The following SHF variants were observed in gnomAD, a reference collection of about 807,000 sequenced individuals.
The protein encoded by SHF is SH2 domain-containing adapter protein F.
Under a neutral mutation model 42.4 loss-of-function variants are expected in SHF, and 30 were observed. The observed-to-expected ratio is 0.71, with a 90% CI of 0.53 to 0.96. The LOEUF (loss-of-function observed/expected upper bound fraction) is 0.96. Ranked by LOEUF, SHF falls within the 40% of genes least tolerant of loss-of-function variation. SHF has a pLI of 0.00. For missense variants in SHF, 598 were observed against 634.0 expected, an observed-to-expected ratio of 0.94 and a Z score of 0.61; for synonymous variants, 264 against 269.9, an observed-to-expected ratio of 0.98 and a Z score of 0.21.
chr15:45,189,192 C>CAAAAAAA (rs1166122506), upstream of SHF, among the ~76,000 whole-genome samples: 1 of 58,556 alleles, frequency 1.7e-5, no homozygotes, highest in African/African-American at 6.4e-5. Context: ...GACTCCGTCT[C>CAAAAAAA]AAAAAAAAAA....
chr15:45,172,097 CAGGAGGGG>C, intron 5 of SHF, 42 bp downstream of exon 5: 1 of 1,613,870 alleles, frequency 6.2e-7, no homozygotes, highest in Non-Finnish European at 8.5e-7. Context: ...AAGCCAGTGC[CAGGAGGGG>C]AGGAGTGGGG....
chr15:45,187,200 G>A (rs532699214), intron 1 of SHF, among the ~76,000 whole-genome samples: 1 of 152,346 alleles, frequency 6.6e-6, no homozygotes, highest in East Asian at 1.9e-4. Context: ...GCCCGGGAGG[G>A]GGAGGGTCAC....
At chr15:45,197,004 A>G (rs1348165972) in intron 2 of SHF, among the ~76,000 whole-genome samples, 2 of 152,142 alleles carry the variant, frequency 1.3e-5, no homozygotes, top group Admixed American at 6.5e-5. Flanking sequence ...AAGGGCTACA[A>G]ATTACTAGAA....
At chr15:45,199,678 C>T in intron 1 of SHF, among the ~76,000 whole-genome samples, 1 of 152,184 alleles carries the variant, frequency 6.6e-6, no homozygotes, top group African/African-American at 2.4e-5. Context: ...GCGCCTACTA[C>T]CTGTCAGGCC....
In SHF at chr15:45,175,313, C is replaced by T. The variant is rs777702181; in HGVS notation, c.753G>A (p.Arg251=). ...TAEGEGAPWP[R]ESRLPEDDER... The stretch of plus-strand genomic sequence containing the variant: ...CATCATCCTCTGGCAGGCGGGACTC[C>T]CGGGGCCAGGGGGCCCCCTCACCTT... Residue 251 remains arginine, a synonymous_variant, in exon 3 of 7, where the codon CGG becomes CGA. Transcript: ENST00000690270. The T allele has an allele frequency of 5.0e-6, 8 of 1,608,250 alleles. No individual in the cohort carries two copies. Among genetic ancestry groups the T allele is most frequent in the African/African-American group, 1.3e-5 (1 of 74,812 alleles).
Position 45,175,260 on chromosome 15 carries a change from G to A in SHF, c.806C>T (p.Pro269Leu), listed in dbSNP as rs1897736857. Residue 269 changes from proline (P) to leucine (L), a missense_variant, in exon 3 of 7, where the codon CCC becomes CTC. Pro to Leu is a moderately conservative substitution (Grantham distance 98). Transcript: ENST00000690270. ...AATCCGCTCCTTCTTCCACTCCCAG[G>A]GCTGGTCATACTCCTCAGGGGGCCT... ...DERPPEEYDQ[P>L]WEWKKERISK... The A allele has an allele frequency of 1.2e-6, 2 of 1,612,122 alleles. No individual in the cohort carries two copies. Among genetic ancestry groups the A allele is most frequent in the South Asian group, 1.1e-5 (1 of 90,668 alleles).
intron 1 of SHF, among the ~76,000 whole-genome samples, chr15:45,180,551 C>G (rs943080195): frequency 6.6e-6 from 1 of 152,258 alleles, no homozygotes. Context: ...TTCCACTTTC[C>G]TCTTTAGTTT....
intron 1 of SHF, among the ~76,000 whole-genome samples, chr15:45,184,729 G>A (rs148109511): frequency 1.6e-4 from 25 of 152,350 alleles, no homozygotes; most frequent in Middle Eastern, 3.4e-3. Flanking sequence ...CAAAGCAAGG[G>A]GCCCAGCTCT....
intron 2 of SHF, among the ~76,000 whole-genome samples, chr15:45,198,228 C>T (rs1054420100): frequency 6.6e-6 from 1 of 151,928 alleles, no homozygotes; most frequent in Admixed American, 6.6e-5. Context: ...GAACCAAGAT[C>T]GCGCCATTGC....
At chr15:45,200,958 T>G in exon 1 of SHF, 1 of 426,630 alleles carries the variant, frequency 2.3e-6, no homozygotes. Context: ...TCCCTTCTTT[T>G]GCGGTCCGTG....
At chr15:45,193,379 G>T (rs1898765034) in intron 2 of SHF, among the ~76,000 whole-genome samples, 1 of 152,126 alleles carries the variant, frequency 6.6e-6, no homozygotes, top group South Asian at 2.1e-4. Flanking sequence ...CCAGGGAGGG[G>T]GCTTCCAGTT....
At chr15:45,193,602 C>T (rs930776756) in intron 2 of SHF, among the ~76,000 whole-genome samples, 2 of 152,108 alleles carry the variant, frequency 1.3e-5, no homozygotes, top group African/African-American at 4.8e-5. Context: ...AGTCATGAGC[C>T]TCAGAGGGAT....
At chr15:45,198,757 A>C in intron 2 of SHF, 4 of 1,602,700 alleles carry the variant, frequency 2.5e-6, no homozygotes, top group Non-Finnish European at 3.4e-6. Context: ...GCGCGTCATT[A>C]AATGGCCTAC....
chr15:45,185,027 G>A (rs1476910311), intron 1 of SHF, among the ~76,000 whole-genome samples: 1 of 152,218 alleles, frequency 6.6e-6, no homozygotes, highest in Non-Finnish European at 1.5e-5. Flanking sequence ...GTTCTCTCCT[G>A]CCCCCATACT....
chr15:45,187,914 G>A lies in SHF; in HGVS notation c.38C>T (p.Pro13Leu). ...AGCGCTCCCCTGCGTTCGCGGCCCC[G>A]GGCGGGAGCCAGCCGGAGGAGCTCC... ...LSGAPPAGSR[P>L]GPRTQGSAGG... Residue 13 changes from proline (P) to leucine (L), a missense_variant, in exon 1 of 7, where the codon CCG becomes CTG. By Grantham distance (98) the Pro-to-Leu change is moderately conservative (BLOSUM62 -3). Transcript: ENST00000690270. 1 of 1,179,992 alleles carries A rather than the reference G, an allele frequency of 8.5e-7. No homozygotes were observed. Among genetic ancestry groups the A allele is most frequent in the Non-Finnish European group, 1.0e-6 (1 of 954,798 alleles). 73.1% of individuals were successfully genotyped at this position (1,179,992 alleles called of 1,614,324 possible).
upstream of SHF, among the ~76,000 whole-genome samples, chr15:45,192,099 G>T (rs1177717157): frequency 6.6e-6 from 1 of 151,492 alleles, no homozygotes; most frequent in East Asian, 1.9e-4. Flanking sequence ...ACACACTTTA[G>T]CAGGCATTGC....
At chr15:45,171,757 C>A in intron 6 of SHF, 126 bp downstream of exon 6, 1 of 989,570 alleles carries the variant, frequency 1.0e-6, no homozygotes, top group Non-Finnish European at 1.5e-6. Flanking sequence ...CATCTCAGGA[C>A]CCCCAGTGCC....
chr15:45,200,924 C>T (rs74011388), exon 1 of SHF: 48,786 of 451,226 alleles, frequency 0.11, 2,941 homozygotes, highest in Middle Eastern at 0.18. Context: ...CATAGGAATC[C>T]TTTGGTTGCA....
chr15:45,198,638 C>A (rs148091456), intron 2 of SHF: 8 of 1,132,498 alleles, frequency 7.1e-6, no homozygotes, highest in Admixed American at 5.3e-5. Context: ...GAGGTTGCTG[C>A]GGCCACAACG....
Sources: gnomAD v4.1 joint callset for allele counts (sites outside exome capture counted in the v4.1 genomes callset) on GRCh38, gnomAD v4.1.1 for gene constraint, MANE v1.5 for transcripts, NCBI Gene and HGNC (gene_info 2026-07-23, HGNC 2026-07-21) for gene names.